Variants in SARNP observed in about 807,000 individuals in gnomAD.
SARNP encodes SAP domain-containing ribonucleoprotein.
Under a neutral mutation model 38.1 loss-of-function variants are expected in SARNP, and 5 were observed. That is an observed-to-expected ratio of 0.13 (90% CI 0.07 to 0.28). The LOEUF (loss-of-function observed/expected upper bound fraction) is 0.28. Ranked by LOEUF, SARNP falls within the 10% of genes least tolerant of loss-of-function variation. The pLI, the probability that SARNP is intolerant of heterozygous loss-of-function variation, is 1.00. For synonymous variants in SARNP, 84 were observed against 80.6 expected (o/e 1.04, Z -0.23); for missense variants, 180 against 243.9 (o/e 0.74, Z 1.75).
At chr12:55,758,537 C>G (rs1010004141) in intron 10 of SARNP, among the ~76,000 whole-genome samples, 1 of 152,042 alleles carries the variant, frequency 6.6e-6, no homozygotes, top group African/African-American at 2.4e-5. Flanking sequence ...CCCAGGTACT[C>G]AGGAGGCTGA....
chr12:55,814,219 G>T (rs1880416476), intron 1 of SARNP, among the ~76,000 whole-genome samples: 1 of 152,098 alleles, frequency 6.6e-6, no homozygotes, highest in Admixed American at 6.6e-5. Flanking sequence ...AATCCCATCC[G>T]CCAAGAGAAT....
downstream of SARNP, chr12:55,755,708 G>A (rs1192573460): frequency 6.6e-6 from 1 of 152,146 alleles, no homozygotes; most frequent in Non-Finnish European, 1.5e-5. Context: ...GATAGGAAGG[G>A]GAGGACTTCA....
chr12:55,806,372 T>C (rs976351236), intron 1 of SARNP, among the ~76,000 whole-genome samples: 1 of 150,688 alleles, frequency 6.6e-6, no homozygotes, highest in Non-Finnish European at 1.5e-5. Flanking sequence ...CGTTCCAGGT[T>C]CAAGCAACTG....
At chr12:55,802,948 T>C (rs1880026860) in intron 2 of SARNP, among the ~76,000 whole-genome samples, 1 of 148,768 alleles carries the variant, frequency 6.7e-6, no homozygotes, top group African/African-American at 2.5e-5. Context: ...ACACAATACT[T>C]AGTGAAAAAA....
At chr12:55,755,443 T>TC (rs1184563230), downstream of SARNP, 1 of 152,170 alleles carries the variant, frequency 6.6e-6, no homozygotes, top group African/African-American at 2.4e-5. Context: ...ATAGACTCCC[T>TC]CATTAAGAGC....
chr12:55,780,843 T>G (rs908988962), intron 9 of SARNP, among the ~76,000 whole-genome samples: 2 of 152,222 alleles, frequency 1.3e-5, no homozygotes, highest in African/African-American at 2.4e-5. Context: ...CAAGATTTTA[T>G]CATGCTACTC....
In SARNP at chr12:55,817,710, C is replaced by A; in HGVS notation, c.-9G>T. On this transcript the variant is annotated 5_prime_UTR_variant, in exon 1 of 11. Transcript: ENST00000336133. Reference sequence around the variant, plus strand: ...ACCGTCTCGGTCGCCATCTTGTTACCCCTCACTCCACTAGGCCCCCACCCG... The same window carrying A: ...ACCGTCTCGGTCGCCATCTTGTTACACCTCACTCCACTAGGCCCCCACCCG... 6.2e-7 allele frequency: 1 copy of A among 1,612,540 alleles called. No homozygotes were observed. Among genetic ancestry groups the A allele is most frequent in the African/African-American group, 1.3e-5 (1 of 74,940 alleles).
chr12:55,784,053 G>A (rs1879416091), intron 9 of SARNP, among the ~76,000 whole-genome samples: 1 of 152,096 alleles, frequency 6.6e-6, no homozygotes. Flanking sequence ...AGAGAAATCA[G>A]CAAGCACGCA....
intron 2 of SARNP, among the ~76,000 whole-genome samples, chr12:55,803,185 T>C (rs1187025958): frequency 3.9e-5 from 6 of 152,084 alleles, no homozygotes; most frequent in African/African-American, 7.2e-5. Context: ...CAACCTAAGA[T>C]GTAGGTTGTA....
chr12:55,765,715 T>C (rs962286260), intron 9 of SARNP, among the ~76,000 whole-genome samples: 3 of 152,022 alleles, frequency 2.0e-5, no homozygotes, highest in Non-Finnish European at 4.4e-5. Flanking sequence ...TCTAAACCCA[T>C]TAGGGGTTCC....
intron 2 of SARNP, among the ~76,000 whole-genome samples, chr12:55,802,505 C>G (rs1298143496): frequency 6.6e-6 from 1 of 151,848 alleles, no homozygotes; most frequent in Non-Finnish European, 1.5e-5. Flanking sequence ...GGGTCACAGT[C>G]AAAACTTTGT....
chr12:55,761,331 C>T (rs1208182254), intron 9 of SARNP, among the ~76,000 whole-genome samples: 1 of 152,126 alleles, frequency 6.6e-6, no homozygotes, highest in Non-Finnish European at 1.5e-5. Flanking sequence ...AGAAGGTACC[C>T]AAACTACTTG....
intron 1 of SARNP, among the ~76,000 whole-genome samples, chr12:55,810,515 C>T (rs1439390228): frequency 1.3e-5 from 2 of 150,834 alleles, no homozygotes; most frequent in African/African-American, 4.9e-5. Flanking sequence ...TACAGTGGCA[C>T]AATCTCGGCT....
chr12:55,773,933 C>G (rs1565673350), intron 9 of SARNP, among the ~76,000 whole-genome samples: 1 of 152,110 alleles, frequency 6.6e-6, no homozygotes, highest in Admixed American at 6.5e-5. Context: ...GTCCCGAACT[C>G]CTGACCTCAA....
intron 1 of SARNP, among the ~76,000 whole-genome samples, chr12:55,816,733 A>T (rs1880498492): frequency 6.6e-6 from 1 of 152,234 alleles, no homozygotes; most frequent in Admixed American, 6.5e-5. Flanking sequence ...ATCTTAATTT[A>T]CCCTAAAAGA....
intron 9 of SARNP, among the ~76,000 whole-genome samples, chr12:55,783,922 T>A (rs561325201): frequency 5.3e-5 from 8 of 151,974 alleles, no homozygotes; most frequent in Non-Finnish European, 8.8e-5. Flanking sequence ...TGAGATCCTA[T>A]CTCTAAAAAA....
downstream of SARNP, chr12:55,752,883 T>C (rs1878369593): frequency 6.6e-6 from 1 of 151,924 alleles, no homozygotes; most frequent in African/African-American, 2.4e-5. Flanking sequence ...TAGAATTCAG[T>C]GCTGAGCTCT....
chr12:55,792,372 GTTCT>G (rs548515082), intron 7 of SARNP, among the ~76,000 whole-genome samples: 92 of 151,682 alleles, frequency 6.1e-4, no homozygotes, highest in African/African-American at 2.1e-3. Flanking sequence ...AAGGGGCTAT[GTTCT>G]TTTTGTTTTT....
chr12:55,784,016 A>T (rs1447730592), intron 9 of SARNP, among the ~76,000 whole-genome samples: 4 of 152,178 alleles, frequency 2.6e-5, no homozygotes, highest in African/African-American at 9.7e-5. Flanking sequence ...TTCATATACT[A>T]CACTGATCAG....
Sources: gnomAD v4.1 joint callset for allele counts (sites outside exome capture counted in the v4.1 genomes callset) on GRCh38, gnomAD v4.1.1 for gene constraint, MANE v1.5 for transcripts, NCBI Gene and HGNC (gene_info 2026-07-23, HGNC 2026-07-21) for gene names.